Variants in ELMO1 observed in about 807,000 individuals in gnomAD.
The protein encoded by ELMO1 is engulfment and cell motility protein 1.
In ELMO1, 26 loss-of-function variants were observed where a neutral mutation model predicts 98.9. The ratio of observed to expected loss-of-function variants is 0.26; its 90% confidence interval spans 0.19 to 0.36. The LOEUF (loss-of-function observed/expected upper bound fraction) is 0.36, where lower values mean the gene tolerates loss of function less well. Ranked by LOEUF, ELMO1 falls within the 10% of genes least tolerant of loss-of-function variation. The probability of loss-of-function intolerance (pLI) is 1.00; values close to 1 mark genes in which losing one functional copy is unlikely to be tolerated. For missense variants in ELMO1, 627 were observed against 935.2 expected, an observed-to-expected ratio of 0.67 and a Z score of 4.30; for synonymous variants, 346 against 346.0, an observed-to-expected ratio of 1.00 and a Z score of 0.00.
At chr7:37,282,038 G>A (rs1426996241) in intron 4 of ELMO1, among the ~76,000 whole-genome samples, 1 of 152,194 alleles carries the variant, frequency 6.6e-6, no homozygotes, top group Non-Finnish European at 1.5e-5. Context: ...ATGTGGATGG[G>A]TAATAAGATG....
At chr7:36,899,648 A>ATCTCTCTC (rs1019127809) in intron 16 of ELMO1, among the ~76,000 whole-genome samples, 3 of 101,748 alleles carry the variant, frequency 2.9e-5, no homozygotes, top group Admixed American at 2.2e-4. Context: ...AAGATACTTA[A>ATCTCTCTC]TCTCTCTCAG....
chr7:37,021,560 G>C (rs1233891684), intron 15 of ELMO1, among the ~76,000 whole-genome samples: 2 of 151,916 alleles, frequency 1.3e-5, no homozygotes, highest in Non-Finnish European at 2.9e-5. Context: ...TAAAAGAGCA[G>C]AGCTTCTGCA....
At chr7:36,898,243 A>G (rs888995036) in intron 16 of ELMO1, among the ~76,000 whole-genome samples, 5 of 152,206 alleles carry the variant, frequency 3.3e-5, no homozygotes, top group African/African-American at 1.2e-4. Context: ...CCTTAACTCT[A>G]TCTTCTTTAG....
chr7:36,987,154 G>A (rs1290335062), intron 16 of ELMO1, among the ~76,000 whole-genome samples: 2 of 152,100 alleles, frequency 1.3e-5, no homozygotes, highest in Non-Finnish European at 2.9e-5. Context: ...TCATCAAGGC[G>A]CCCTGAACAC....
chr7:37,402,605 C>A (rs1473670747), intron 1 of ELMO1, among the ~76,000 whole-genome samples: 1 of 152,090 alleles, frequency 6.6e-6, no homozygotes, highest in African/African-American at 2.4e-5. Flanking sequence ...GAGTCTGGAT[C>A]CTTGAGGACA....
chr7:36,976,090 A>G lies in ELMO1; in HGVS notation c.1437+37209T>C, dbSNP rs74537331. Among the ~76,000 whole-genome samples the G allele has an allele frequency of 2.2e-4, 33 of 152,334 alleles. No individual in the cohort carries two copies. In the East Asian group the frequency reaches 6.2e-3, roughly 28 times the overall value. Reference sequence around the variant, plus strand: ...TCTGTCACAGCTACTTAACTGTGCCACTGTAGTATGAAGGAAGCCACAGAC... The same window carrying G: ...TCTGTCACAGCTACTTAACTGTGCCGCTGTAGTATGAAGGAAGCCACAGAC... On this transcript the variant is annotated intron_variant, in intron 16 of 21. Transcript: ENST00000310758.
intron 6 of ELMO1, among the ~76,000 whole-genome samples, chr7:37,244,668 C>A (rs1286196816): frequency 6.6e-6 from 1 of 152,132 alleles, no homozygotes; most frequent in East Asian, 1.9e-4. Flanking sequence ...CCATTTAGAT[C>A]AGAATGGGTC....
chr7:36,875,665 C>A (rs1041038255), intron 19 of ELMO1, among the ~76,000 whole-genome samples: 1 of 152,156 alleles, frequency 6.6e-6, no homozygotes, highest in African/African-American at 2.4e-5. Context: ...CCTGCACTCA[C>A]CCTGGCAAGC....
At chr7:37,145,424 C>T (rs115751459) in intron 13 of ELMO1, among the ~76,000 whole-genome samples, 318 of 152,296 alleles carry the variant, frequency 2.1e-3, no homozygotes, top group African/African-American at 6.8e-3. Flanking sequence ...TAAAACAAAC[C>T]CCTTTATTCA....
chr7:37,368,455 T>C (rs975118457), intron 1 of ELMO1, among the ~76,000 whole-genome samples: 2 of 152,166 alleles, frequency 1.3e-5, no homozygotes, highest in Non-Finnish European at 2.9e-5. Context: ...CTTTGAAAAG[T>C]GAAAAGCCTC....
chr7:36,878,149 G>C (rs1804123408), intron 18 of ELMO1, 32 bp from the exon 19 acceptor site: 1 of 1,541,818 alleles, frequency 6.5e-7, no homozygotes, highest in African/African-American at 1.4e-5. Context: ...TACAAGGTAA[G>C]TGATTGTGGT....
chr7:37,087,144 T>C (rs758823508), intron 15 of ELMO1, among the ~76,000 whole-genome samples: 3 of 152,218 alleles, frequency 2.0e-5, no homozygotes, highest in Non-Finnish European at 2.9e-5. Flanking sequence ...TGCTGACATA[T>C]GGAACATCTA....
intron 4 of ELMO1, among the ~76,000 whole-genome samples, chr7:37,301,514 T>G (rs1798343332): frequency 6.6e-6 from 1 of 152,136 alleles, no homozygotes. Flanking sequence ...TGCCTTGACT[T>G]ACGCCATTCC....
At chr7:37,326,033 G>A (rs56185223) in intron 2 of ELMO1, among the ~76,000 whole-genome samples, 5,384 of 152,232 alleles carry the variant, frequency 0.035, 300 homozygotes, top group East Asian at 0.23. Context: ...TTCTGAAAAG[G>A]CTGTGTCTAT....
chr7:37,199,755 C>T (rs1480138202), intron 13 of ELMO1, among the ~76,000 whole-genome samples: 1 of 152,186 alleles, frequency 6.6e-6, no homozygotes, highest in African/African-American at 2.4e-5. Context: ...GGCCCCACTG[C>T]ACCAGTTTGG....
intron 1 of ELMO1, among the ~76,000 whole-genome samples, chr7:37,374,298 G>A (rs1028151834): frequency 1.3e-5 from 2 of 152,106 alleles, no homozygotes; most frequent in African/African-American, 4.8e-5. Context: ...CTGTTGTTAT[G>A]CAACCATCGT....
At chr7:37,105,040 T>C (rs566231842) in intron 14 of ELMO1, among the ~76,000 whole-genome samples, 6 of 152,318 alleles carry the variant, frequency 3.9e-5, no homozygotes, top group African/African-American at 1.4e-4. Context: ...GGTAATGGTA[T>C]AGTAATTAAA....
intron 1 of ELMO1, among the ~76,000 whole-genome samples, chr7:37,423,560 A>G (rs1452033313): frequency 1.3e-5 from 2 of 152,068 alleles, no homozygotes; most frequent in Non-Finnish European, 2.9e-5. Context: ...AGCCCGGGTG[A>G]CAGAGCCAGA....
chr7:37,233,848 C>G (rs1157789431), intron 7 of ELMO1, among the ~76,000 whole-genome samples: 2 of 152,132 alleles, frequency 1.3e-5, no homozygotes, highest in Non-Finnish European at 2.9e-5. Flanking sequence ...TCTGGCATAT[C>G]GATGGAGATA....
Sources: allele counts gnomAD v4.1 joint callset (sites outside exome capture counted in the v4.1 genomes callset), GRCh38; gene constraint gnomAD v4.1.1; transcripts MANE v1.5; gene names NCBI Gene and HGNC (gene_info 2026-07-23, HGNC 2026-07-21).